The following PGS1 variants were observed in gnomAD, a reference collection of about 807,000 sequenced individuals.
PGS1 encodes phosphatidylglycerophosphate synthase 1.
In PGS1, 44 loss-of-function variants were observed where a neutral mutation model predicts 58.3. The observed-to-expected ratio is 0.75, with a 90% CI of 0.59 to 0.97. The LOEUF (loss-of-function observed/expected upper bound fraction) is 0.97, where lower values mean the gene tolerates loss of function less well. Among genes scored for constraint, PGS1 ranks in the 50% least tolerant of loss-of-function variants. The pLI is 0.00. For synonymous variants in PGS1, 330 were observed against 311.0 expected (o/e 1.06, Z -0.64); for missense variants, 684 against 731.1 (o/e 0.94, Z 0.74).
chr17:78,407,037 C>G (rs2084212360), intron 7 of PGS1, among the ~76,000 whole-genome samples: 1 of 152,230 alleles, frequency 6.6e-6, no homozygotes. Context: ...GTGCTTCTGC[C>G]ACTCCCTCTC....
intron 8 of PGS1, among the ~76,000 whole-genome samples, chr17:78,418,665 C>T (rs190572581): frequency 7.2e-5 from 11 of 152,228 alleles, no homozygotes; most frequent in Admixed American, 4.6e-4. Context: ...AAAATCTTAG[C>T]GCATAGTGAT....
chr17:78,387,527 G>A (rs2082491725), intron 1 of PGS1, among the ~76,000 whole-genome samples: 1 of 150,932 alleles, frequency 6.6e-6, no homozygotes, highest in East Asian at 1.9e-4. Flanking sequence ...TTGAACTCCT[G>A]ACCTCAGGTG....
rs182291838 is a variant in PGS1, at chr17:78,393,816, A to G, written c.333+1151A>G. Among the ~76,000 whole-genome samples the G allele has an allele frequency of 5.3e-5, 8 of 152,310 alleles. No homozygotes were observed. The East Asian group carries it at 1.5e-3, about 29-fold the overall frequency. On this transcript the variant is annotated intron_variant, in intron 2 of 9. Coordinates refer to ENST00000262764, the MANE Select transcript of PGS1 (RefSeq NM_024419.5). ...TCTGGTTATTCTGGTTAAACTGCTC[A>G]TTGGAATGAACACTAATCAACACTG...
intron 9 of PGS1, chr17:78,419,958 C>G: frequency 8.4e-7 from 1 of 1,195,032 alleles, no homozygotes; most frequent in Non-Finnish European, 1.1e-6. Context: ...TCTGCTCTCC[C>G]TTCCCAGGGG....
chr17:78,391,713 G>C (rs904800737), intron 1 of PGS1, among the ~76,000 whole-genome samples: 2 of 152,138 alleles, frequency 1.3e-5, no homozygotes, highest in South Asian at 2.1e-4. Context: ...CCTGACCTTA[G>C]GTTGTCTACC....
chr17:78,397,704 G>T (rs561824644), intron 3 of PGS1, among the ~76,000 whole-genome samples: 18 of 152,074 alleles, frequency 1.2e-4, no homozygotes, highest in Admixed American at 3.3e-4. Flanking sequence ...CAAAGTGCTG[G>T]GATTAGAGGC....
At chr17:78,393,528 C>T (rs2082990530) in intron 2 of PGS1, among the ~76,000 whole-genome samples, 1 of 152,068 alleles carries the variant, frequency 6.6e-6, no homozygotes, top group Non-Finnish European at 1.5e-5. Context: ...TATGATGGAC[C>T]CCTAACCCGG....
Position 78,411,902 on chromosome 17 carries a change from CTTTTTTTTTTTTTTT to C in PGS1, c.1403-2963_1403-2949del, listed in dbSNP as rs35472026. On this transcript the variant is annotated intron_variant, in intron 7 of 9. Transcript: ENST00000262764. ...ATGAAACAGAACTAAAGGGCTCCTG[CTTTTTTTTTTTTTTT>C]TTTTTTTTTTTTTGAGATAGGGTTT... Among the ~76,000 whole-genome samples the C allele has an allele frequency of 8.6e-5, 5 of 58,010 alleles. 1 individual carries two copies. The highest frequency in any genetic ancestry group is 3.0e-4 in the African/African-American group (4 of 13,156). 38.1% of individuals were successfully genotyped at this position (58,010 alleles called of 152,430 possible).
intron 7 of PGS1, among the ~76,000 whole-genome samples, chr17:78,413,688 C>T (rs960122314): frequency 6.6e-6 from 1 of 152,208 alleles, no homozygotes; most frequent in Non-Finnish European, 1.5e-5. Context: ...CCTGGGTGCC[C>T]TGTGGGAGGA....
intron 6 of PGS1, 67 bp from the exon 7 acceptor site, chr17:78,403,501 C>T: frequency 6.6e-7 from 1 of 1,516,554 alleles, no homozygotes; most frequent in Non-Finnish European, 9.0e-7. Flanking sequence ...TGCCCTGTCC[C>T]CTGAGCTGGG....
chr17:78,411,347 A>G (rs571954568), intron 7 of PGS1, among the ~76,000 whole-genome samples: 3 of 152,282 alleles, frequency 2.0e-5, no homozygotes, highest in African/African-American at 7.2e-5. Context: ...GCAGGGCAGT[A>G]TGACTGTGCA....
intron 2 of PGS1, among the ~76,000 whole-genome samples, chr17:78,394,562 CT>C (rs557256277): frequency 3.4e-5 from 5 of 148,750 alleles, no homozygotes; most frequent in African/African-American, 4.9e-5. Flanking sequence ...CTTTTCTTTT[CT>C]TTTTTTTTTA....
At position 78,400,630 on chromosome 17, in the gene PGS1, C is replaced by T. The variant is rs749142271; in HGVS notation, c.702-47C>T. The T allele has an allele frequency of 7.0e-6, 11 of 1,564,286 alleles. No homozygotes were observed. Among genetic ancestry groups the T allele is most frequent in the South Asian group, 2.2e-5 (2 of 89,538 alleles). ...CCTGGGTCACCAGGACACGCTGCTGCATACCCTTGCCTGAGTCCTCCTCAC... is the reference window on the plus strand; with the variant it reads ...CCTGGGTCACCAGGACACGCTGCTGTATACCCTTGCCTGAGTCCTCCTCAC... On this transcript the variant is annotated intron_variant, in intron 5 of 9. Coordinates refer to ENST00000262764, the MANE Select transcript of PGS1 (RefSeq NM_024419.5). The surrounding 1 kb of genome is among the most constrained non-coding windows in gnomAD (Gnocchi z 4.4).
In PGS1 at chr17:78,400,558, C is replaced by A; in HGVS notation, c.702-119C>A. The A allele has an allele frequency of 1.3e-6, 1 of 778,628 alleles. No homozygotes were observed. Among genetic ancestry groups the A allele is most frequent in the Non-Finnish European group, 2.2e-6 (1 of 457,766 alleles). The allele number at this position is 778,628 out of a possible 1,614,324, so 48.2% of individuals were successfully genotyped here. ...TCATTGCTGAGTAGCTATTTGTTAA[C>A]TGCATCTTGACCTGAGTTTGTCACC... On this transcript the variant is annotated intron_variant, in intron 5 of 9. Coordinates refer to ENST00000262764, the MANE Select transcript of PGS1 (RefSeq NM_024419.5). The surrounding 1 kb of genome is among the most constrained non-coding windows in gnomAD (Gnocchi z 4.4).
rs986246160 is a variant in PGS1, at chr17:78,424,358, AAGG to A, written c.*310_*312del. On this transcript the variant is annotated 3_prime_UTR_variant, in exon 10 of 10. Coordinates refer to ENST00000262764, the MANE Select transcript of PGS1 (RefSeq NM_024419.5). ...GTAACTACCCCGTCCCGCTGGGCTC[AAGG>A]AACAGCTCAGCTAAAGCCCTCGGGT... The A allele has an allele frequency of 6.7e-5, 38 of 568,768 alleles. No individual in the cohort carries two copies. In the African/African-American group the frequency reaches 6.7e-4, roughly 10 times the overall value. 35.2% of individuals were successfully genotyped at this position (568,768 alleles called of 1,614,324 possible).
At chr17:78,405,681 C>T (rs2084073024) in intron 7 of PGS1, among the ~76,000 whole-genome samples, 3 of 152,226 alleles carry the variant, frequency 2.0e-5, no homozygotes, top group African/African-American at 7.2e-5. Flanking sequence ...ACCATGACTC[C>T]TTTCTGACGC....
intron 8 of PGS1, among the ~76,000 whole-genome samples, chr17:78,416,066 C>G (rs1377427634): frequency 6.6e-6 from 1 of 152,196 alleles, no homozygotes; most frequent in Non-Finnish European, 1.5e-5. Flanking sequence ...TGGGATCTGT[C>G]CTCCTGCAGC....
intron 7 of PGS1, among the ~76,000 whole-genome samples, chr17:78,414,406 A>G (rs112759206): frequency 5.3e-5 from 8 of 152,184 alleles, no homozygotes; most frequent in Non-Finnish European, 1.0e-4. Context: ...CTCAGTGCTC[A>G]CAGGAAGGGA....
intron 7 of PGS1, among the ~76,000 whole-genome samples, chr17:78,412,175 G>A (rs1377660605): frequency 3.3e-5 from 5 of 152,014 alleles, no homozygotes; most frequent in East Asian, 1.9e-4. Flanking sequence ...GCAGCACCCC[G>A]TGGCATCTCT....
Sources: allele counts gnomAD v4.1 joint callset (sites outside exome capture counted in the v4.1 genomes callset), GRCh38; gene constraint gnomAD v4.1.1; non-coding constraint Gnocchi (gnomAD v3.1); transcripts MANE v1.5; gene names NCBI Gene and HGNC (gene_info 2026-07-23, HGNC 2026-07-21).